The following MOBP variants were observed in gnomAD, a reference collection of about 807,000 sequenced individuals.
The protein encoded by MOBP is myelin-associated oligodendrocyte basic protein.
MOBP carries 5 observed loss-of-function variants against 15.0 expected under a neutral mutation model. The ratio of observed to expected loss-of-function variants is 0.33; its 90% CI spans 0.17 to 0.70. The LOEUF (loss-of-function observed/expected upper bound fraction) is 0.70, where lower values mean the gene tolerates loss of function less well. MOBP is among the 30% of genes least tolerant of loss of function. The probability of loss-of-function intolerance (pLI) is 0.67; values close to 1 mark genes in which losing one functional copy is unlikely to be tolerated. For missense variants in MOBP, 188 were observed against 257.8 expected (o/e 0.73, Z 1.85); for synonymous variants, 88 against 99.0 (o/e 0.89, Z 0.66).
chr3:39,519,252 T>C (rs1410449708), downstream of MOBP, among the ~76,000 whole-genome samples: 3 of 152,216 alleles, frequency 2.0e-5, no homozygotes, highest in Admixed American at 6.5e-5. Flanking sequence ...CTTTCTCCTG[T>C]AGCTGACAGC....
chr3:39,470,142 C>T (rs188722844), intron 1 of MOBP, among the ~76,000 whole-genome samples: 3,189 of 152,286 alleles, frequency 0.021, 60 homozygotes, highest in East Asian at 0.053. Flanking sequence ...CGCGGGTTGA[C>T]GGGGACGTCT....
intron 2 of MOBP, among the ~76,000 whole-genome samples, chr3:39,484,332 G>T (rs142852565): frequency 4.2e-4 from 64 of 152,288 alleles, no homozygotes; most frequent in Admixed American, 2.1e-3. Context: ...AAACCCTGAG[G>T]GGTCTATGTG....
chr3:39,507,832 A>G (rs1249348082), downstream of MOBP, among the ~76,000 whole-genome samples: 3 of 152,208 alleles, frequency 2.0e-5, no homozygotes, highest in Non-Finnish European at 4.4e-5. Flanking sequence ...AAACTTTACC[A>G]TGTGCCTCCA....
exon 5 of MOBP, chr3:39,513,541 T>C: frequency 1.9e-6 from 2 of 1,031,610 alleles, no homozygotes; most frequent in Non-Finnish European, 2.9e-6. Flanking sequence ...AAACACCTGC[T>C]GATGTGGCAA....
chr3:39,469,564 T>C (rs1457070808), intron 1 of MOBP, among the ~76,000 whole-genome samples: 4 of 152,072 alleles, frequency 2.6e-5, no homozygotes, highest in Non-Finnish European at 4.4e-5. Context: ...CCCCTCAGCC[T>C]CCTTTAGTCT....
rs2233203 is a variant in MOBP at position 39,502,960 on chromosome 3, G to T, written c.*80G>T. 2,241 of 682,014 alleles carry T rather than the reference G, an allele frequency of 3.3e-3. 43 individuals carry two copies. The African/African-American group carries it at 0.034, about 10-fold the overall frequency. 42.2% of individuals were successfully genotyped at this position (682,014 alleles called of 1,614,324 possible). A position where few individuals can be genotyped will look rare whatever the true frequency, so the allele number is the denominator to read the frequency against. ...TTTACTAACACCGGGCTGTCTCCATGGCCCTCTTCAGCCTTATTACCCAAC... is the reference window on the plus strand; with the variant it reads ...TTTACTAACACCGGGCTGTCTCCATTGCCCTCTTCAGCCTTATTACCCAAC... On this transcript the variant is annotated 3_prime_UTR_variant, in exon 4 of 4. Transcript: ENST00000684792. This position sits in a 1 kb window ranked among gnomAD's most constrained non-coding sequence, Gnocchi z 6.3.
chr3:39,525,161 A>C (rs1389873794), downstream of MOBP: 70 of 152,236 alleles, frequency 4.6e-4, 2 homozygotes, highest in Non-Finnish European at 5.9e-5. Context: ...AGAAATAACA[A>C]ATTAAAAGCT....
downstream of MOBP, among the ~76,000 whole-genome samples, chr3:39,518,096 A>G (rs2043224596): frequency 6.6e-6 from 1 of 152,220 alleles, no homozygotes; most frequent in Admixed American, 6.5e-5. Flanking sequence ...AAATCTAATT[A>G]CCAACATTCA....
chr3:39,468,228 G>A (rs967430814), intron 1 of MOBP, among the ~76,000 whole-genome samples: 36 of 152,084 alleles, frequency 2.4e-4, no homozygotes, highest in African/African-American at 7.5e-4. Flanking sequence ...AAATCTTTTC[G>A]GAATTCTGCC....
intron 2 of MOBP, among the ~76,000 whole-genome samples, chr3:39,497,840 G>A (rs543976003): frequency 2.0e-5 from 3 of 152,242 alleles, no homozygotes; most frequent in Non-Finnish European, 4.4e-5. Context: ...AGTTTCAGAG[G>A]GACTCCAGGG....
intron 2 of MOBP, among the ~76,000 whole-genome samples, chr3:39,486,011 G>C (rs1324538642): frequency 2.0e-5 from 3 of 152,044 alleles, no homozygotes; most frequent in Non-Finnish European, 4.4e-5. Context: ...TTATATGTTG[G>C]AATATTTTCT....
intron 2 of MOBP, among the ~76,000 whole-genome samples, chr3:39,487,126 A>G (rs2042722392): frequency 6.6e-6 from 1 of 151,404 alleles, no homozygotes; most frequent in Non-Finnish European, 1.5e-5. Context: ...AAAAAAATGT[A>G]GGGATAGTCT....
chr3:39,514,006 T>G (rs816491), exon 5 of MOBP: 48,100 of 152,490 alleles, frequency 0.32, 10,036 homozygotes, highest in African/African-American at 0.6. Flanking sequence ...ATATTAGGCT[T>G]CCATATGATC....
intron 1 of MOBP, among the ~76,000 whole-genome samples, chr3:39,477,479 A>G (rs2042559740): frequency 6.6e-6 from 1 of 152,028 alleles, no homozygotes; most frequent in African/African-American, 2.4e-5. Context: ...TGCCAATTGT[A>G]TAAAAGTACA....
At chr3:39,513,484 A>G in exon 5 of MOBP, 2 of 1,504,098 alleles carry the variant, frequency 1.3e-6, no homozygotes, top group Non-Finnish European at 1.8e-6. Flanking sequence ...TTCACAACCC[A>G]TCTACCCCTG....
rs1436481766 is a variant in MOBP at position 39,502,081 on chromosome 3, A to G, written c.12A>G (p.Lys4=). 17 of 1,613,882 alleles carry G rather than the reference A, an allele frequency of 1.1e-5. No homozygotes were observed. Among genetic ancestry groups the G allele is most frequent in the Non-Finnish European group, 1.4e-5 (16 of 1,179,992 alleles). Residue 4 remains lysine (K), a synonymous_variant, in exon 3 of 4, where the codon AAA becomes AAG. Coordinates refer to ENST00000684792, the MANE Select transcript of MOBP (RefSeq NM_001393704.1). This position sits in a 1 kb window ranked among gnomAD's most constrained non-coding sequence, Gnocchi z 6.3. ...CGATTTCCAGTGAGATGAGTCAGAA[A>G]CCGGCCAAGGAGGGTCCCAGACTCT... MSQ[K]PAKEGPRLSK...
At chr3:39,492,983 C>T (rs1460057323) in intron 2 of MOBP, among the ~76,000 whole-genome samples, 1 of 152,198 alleles carries the variant, frequency 6.6e-6, no homozygotes, top group Non-Finnish European at 1.5e-5. Context: ...GTCTGACTTC[C>T]TGTGATACCA....
chr3:39,491,507 A>G (rs1227234231), intron 2 of MOBP, among the ~76,000 whole-genome samples: 1 of 151,518 alleles, frequency 6.6e-6, no homozygotes, highest in East Asian at 1.9e-4. Flanking sequence ...CTCAATGGGT[A>G]TGATTTAGGA....
chr3:39,473,442 A>AGT (rs1264669732), intron 1 of MOBP, among the ~76,000 whole-genome samples: 6 of 152,056 alleles, frequency 3.9e-5, no homozygotes, highest in South Asian at 4.1e-4. Context: ...TTGTTGGGAG[A>AGT]AATGGTCTAG....
Sources: gnomAD v4.1 joint callset for allele counts (sites outside exome capture counted in the v4.1 genomes callset) on GRCh38, gnomAD v4.1.1 for gene constraint, Gnocchi (gnomAD v3.1) non-coding constraint, MANE v1.5 for transcripts, NCBI Gene and HGNC (gene_info 2026-07-23, HGNC 2026-07-21) for gene names.